FRS2: variants seen among roughly 807,000 people sequenced by gnomAD.
FRS2 encodes the protein FGFR signalling adaptor.
Under a neutral mutation model 43.9 loss-of-function variants are expected in FRS2, and 8 were observed. The ratio of observed to expected loss-of-function variants is 0.18; its 90% CI spans 0.11 to 0.33. The LOEUF is 0.33. Ranked by LOEUF, FRS2 falls within the 10% of genes least tolerant of loss-of-function variation. The pLI is 1.00. For missense variants in FRS2, 534 were observed against 627.6 expected (o/e 0.85, Z 1.59); for synonymous variants, 219 against 220.3 (o/e 0.99, Z 0.05).
intron 1 of FRS2, among the ~76,000 whole-genome samples, chr12:69,525,389 G>T (rs1876114650): frequency 1.3e-5 from 2 of 152,046 alleles, no homozygotes; most frequent in Non-Finnish European, 2.9e-5. Flanking sequence ...AAAGTTTCAA[G>T]AAACAATACA....
intron 1 of FRS2, among the ~76,000 whole-genome samples, chr12:69,527,342 G>GTTTTT (rs1294936661): frequency 1.5e-4 from 5 of 33,144 alleles, no homozygotes; most frequent in East Asian, 2.6e-3. Flanking sequence ...TTTTTTTAAT[G>GTTTTT]ATTTTTTTTT....
chr12:69,539,729 G>C (rs550419282), intron 3 of FRS2, among the ~76,000 whole-genome samples: 5 of 152,062 alleles, frequency 3.3e-5, no homozygotes, highest in Non-Finnish European at 5.9e-5. Flanking sequence ...GCCAAGGCGG[G>C]CAAATCACGA....
chr12:69,520,450 G>A (rs772511252), intron 1 of FRS2, among the ~76,000 whole-genome samples: 9 of 95,416 alleles, frequency 9.4e-5, no homozygotes, highest in Non-Finnish European at 1.7e-4. Flanking sequence ...TTTTACTTTT[G>A]TTGCAATTGC....
At chr12:69,513,267 C>G (rs2135580459) in intron 1 of FRS2, among the ~76,000 whole-genome samples, 1 of 151,140 alleles carries the variant, frequency 6.6e-6, no homozygotes, top group South Asian at 2.1e-4. Context: ...TTTTTAAACT[C>G]TCTTTTTTTT....
chr12:69,474,406 G>A (rs1292144875), intron 1 of FRS2, among the ~76,000 whole-genome samples: 1 of 147,694 alleles, frequency 6.8e-6, no homozygotes, highest in African/African-American at 2.5e-5. Flanking sequence ...AAAGTGCCAA[G>A]GGAGAATGTA....
chr12:69,503,527 G>A (rs941105448), intron 1 of FRS2, among the ~76,000 whole-genome samples: 1 of 152,156 alleles, frequency 6.6e-6, no homozygotes, highest in African/African-American at 2.4e-5. Flanking sequence ...ATGGCTGCCA[G>A]TAAGTGATGC....
chr12:69,477,344 G>A (rs555727570), intron 1 of FRS2, among the ~76,000 whole-genome samples: 2 of 145,912 alleles, frequency 1.4e-5, no homozygotes, highest in East Asian at 2.1e-4. Context: ...GCAGTGGCGC[G>A]ATCTCAGCTC....
intron 1 of FRS2, chr12:69,480,456 T>G (rs538678399): frequency 6.6e-6 from 1 of 152,320 alleles, no homozygotes; most frequent in South Asian, 2.1e-4. Flanking sequence ...TTCTTTGAGT[T>G]TTACAAATTT....
intron 1 of FRS2, among the ~76,000 whole-genome samples, chr12:69,525,258 T>C (rs1355902224): frequency 6.6e-6 from 1 of 152,160 alleles, no homozygotes; most frequent in Non-Finnish European, 1.5e-5. Flanking sequence ...AGCATGTTTT[T>C]ATACAAACCA....
intron 4 of FRS2, among the ~76,000 whole-genome samples, chr12:69,568,498 G>T (rs1880475434): frequency 6.6e-6 from 1 of 150,908 alleles, no homozygotes; most frequent in Non-Finnish European, 1.5e-5. Context: ...CCCAGCCTTG[G>T]GCAACATAAT....
chr12:69,482,030 GTAA>G (rs1871391315), intron 1 of FRS2, among the ~76,000 whole-genome samples: 1 of 150,498 alleles, frequency 6.6e-6, no homozygotes, highest in East Asian at 1.9e-4. Flanking sequence ...ACTAAGTGTA[GTAA>G]TAATATACCT....
Position 69,532,686 on chromosome 12 carries a change from C to CT in FRS2, c.-122+630_-122+631insT, listed in dbSNP as rs531354264. Among the ~76,000 whole-genome samples, 993 of 152,296 alleles carry CT rather than the reference C, an allele frequency of 6.5e-3. 11 individuals carry two copies. Among genetic ancestry groups the CT allele is most frequent in the African/African-American group, 0.023 (955 of 41,542 alleles). On this transcript the variant is annotated intron_variant, in intron 3 of 8. Transcript: ENST00000549921. The stretch of plus-strand genomic sequence containing the variant: ...ATCTGAATTTTAGAAGGGACACATT[C>CT]AAACTATAGCAGGAAGGGAATTCAC...
intron 3 of FRS2, among the ~76,000 whole-genome samples, chr12:69,533,134 A>G (rs1298944241): frequency 6.6e-6 from 1 of 152,204 alleles, no homozygotes; most frequent in Non-Finnish European, 1.5e-5. Flanking sequence ...AACAACTAGG[A>G]TAGTCTTAAC....
At chr12:69,506,598 A>T (rs1357036095) in intron 1 of FRS2, among the ~76,000 whole-genome samples, 1 of 152,124 alleles carries the variant, frequency 6.6e-6, no homozygotes, top group Non-Finnish European at 1.5e-5. Flanking sequence ...CTTTTATAGC[A>T]TTTGAAAGAT....
At chr12:69,503,980 T>A (rs1163963471) in intron 1 of FRS2, among the ~76,000 whole-genome samples, 1 of 152,036 alleles carries the variant, frequency 6.6e-6, no homozygotes, top group Non-Finnish European at 1.5e-5. Context: ...GAGGTGGGTG[T>A]ATCAGTTGAG....
At chr12:69,507,571 A>T (rs888663292) in intron 1 of FRS2, among the ~76,000 whole-genome samples, 9 of 152,292 alleles carry the variant, frequency 5.9e-5, no homozygotes, top group South Asian at 4.1e-4. Context: ...ATTAATTTTT[A>T]AAAAATTTAA....
intron 1 of FRS2, among the ~76,000 whole-genome samples, chr12:69,477,239 A>G (rs1052209309): frequency 6.9e-6 from 1 of 144,492 alleles, no homozygotes; most frequent in African/African-American, 2.6e-5. Flanking sequence ...GCATTTTGCT[A>G]TCTTACATGC....
At chr12:69,511,988 A>G (rs1874503030) in intron 1 of FRS2, among the ~76,000 whole-genome samples, 1 of 152,198 alleles carries the variant, frequency 6.6e-6, no homozygotes, top group Non-Finnish European at 1.5e-5. Context: ...TTAATCTGAC[A>G]GCTCCCATTG....
chr12:69,534,148 C>T (rs1323229094), intron 3 of FRS2, among the ~76,000 whole-genome samples: 3 of 152,072 alleles, frequency 2.0e-5, no homozygotes, highest in Non-Finnish European at 2.9e-5. Flanking sequence ...ATTAAAAAGA[C>T]GTGGGTCTTC....
Sources: gnomAD v4.1 joint callset for allele counts (sites outside exome capture counted in the v4.1 genomes callset) on GRCh38, gnomAD v4.1.1 for gene constraint, MANE v1.5 for transcripts, NCBI Gene and HGNC (gene_info 2026-07-23, HGNC 2026-07-21) for gene names.